CLSTN2: variants seen among roughly 807,000 people sequenced by gnomAD.
CLSTN2 encodes the protein calsyntenin-2.
A neutral mutation model predicts 101.2 loss-of-function variants in CLSTN2; 48 were observed. The observed-to-expected ratio is 0.47, with a 90% CI of 0.38 to 0.60. The LOEUF is 0.60. Ranked by LOEUF, CLSTN2 falls within the 20% of genes least tolerant of loss-of-function variation. CLSTN2 has a pLI of 0.00. For synonymous variants in CLSTN2, 481 were observed against 463.6 expected (o/e 1.04, Z -0.48); for missense variants, 1,160 against 1,238.2 (o/e 0.94, Z 0.95).
chr3:139,986,754 G>A lies in CLSTN2; in HGVS notation c.109+51271G>A, dbSNP rs147612856. Among the ~76,000 whole-genome samples, 121 of 152,224 alleles carry A rather than the reference G, an allele frequency of 7.9e-4. 1 individual carries two copies. Among genetic ancestry groups the A allele is most frequent in the African/African-American group, 2.8e-3 (115 of 41,538 alleles). On this transcript the variant is annotated intron_variant, in intron 1 of 16. Coordinates refer to ENST00000458420, the MANE Select transcript of CLSTN2 (RefSeq NM_022131.3). The stretch of plus-strand genomic sequence containing the variant: ...GGTAGTACAATGTACACTCTTCCCT[G>A]CCTGTAAGGACAGGGATGTCTCTCA...
intron 1 of CLSTN2, among the ~76,000 whole-genome samples, chr3:140,008,900 T>C (rs1316713519): frequency 2.6e-5 from 4 of 152,228 alleles, no homozygotes; most frequent in Non-Finnish European, 5.9e-5. Flanking sequence ...CCCCTAGAAG[T>C]TGATCCAAAT....
intron 2 of CLSTN2, among the ~76,000 whole-genome samples, chr3:140,203,461 GTT>G (rs58182333): frequency 0.084 from 5,651 of 67,572 alleles, 62 homozygotes; most frequent in Non-Finnish European, 0.097. Flanking sequence ...GAAAGTGTGG[GTT>G]TTTTTTTTTT....
chr3:140,248,690 C>T (rs1433529444), intron 2 of CLSTN2, among the ~76,000 whole-genome samples: 1 of 152,194 alleles, frequency 6.6e-6, no homozygotes, highest in African/African-American at 2.4e-5. Context: ...CACTCTAGTG[C>T]AGGATCACTG....
chr3:140,426,659 T>C (rs1308891575), intron 5 of CLSTN2, among the ~76,000 whole-genome samples: 2 of 152,032 alleles, frequency 1.3e-5, no homozygotes, highest in Non-Finnish European at 2.9e-5. Flanking sequence ...AGTAGAGTAG[T>C]TAGGATGGGA....
intron 1 of CLSTN2, among the ~76,000 whole-genome samples, chr3:139,997,529 T>C (rs1462015537): frequency 1.3e-5 from 2 of 152,198 alleles, no homozygotes; most frequent in African/African-American, 4.8e-5. Context: ...TCTCTTTATG[T>C]GCTATTTTGG....
chr3:140,437,779 A>C (rs971643229), intron 5 of CLSTN2, among the ~76,000 whole-genome samples: 1 of 152,276 alleles, frequency 6.6e-6, no homozygotes, highest in African/African-American at 2.4e-5. Flanking sequence ...ATTTTTAAAA[A>C]TTATAATTTT....
At chr3:140,456,448 G>T (rs1249714016) in intron 6 of CLSTN2, among the ~76,000 whole-genome samples, 1 of 152,212 alleles carries the variant, frequency 6.6e-6, no homozygotes, top group Non-Finnish European at 1.5e-5. Flanking sequence ...CACCCATTCT[G>T]TGCCCAGTAA....
intron 8 of CLSTN2, among the ~76,000 whole-genome samples, chr3:140,483,601 G>T (rs1934174390): frequency 6.6e-6 from 1 of 152,006 alleles, no homozygotes; most frequent in African/African-American, 2.4e-5. Flanking sequence ...GGTCTCTAAG[G>T]ACTTGCTTTA....
intron 1 of CLSTN2, among the ~76,000 whole-genome samples, chr3:140,125,847 C>A (rs2009420750): frequency 6.6e-6 from 1 of 151,962 alleles, no homozygotes; most frequent in South Asian, 2.1e-4. Flanking sequence ...GGGGGTGAAG[C>A]AGTTTTGGAA....
chr3:140,099,600 C>T (rs1213619476), intron 1 of CLSTN2, among the ~76,000 whole-genome samples: 2 of 152,174 alleles, frequency 1.3e-5, no homozygotes, highest in African/African-American at 2.4e-5. Flanking sequence ...CACTATTCAA[C>T]TCACTACAAC....
chr3:140,281,331 A>T (rs1200069549), intron 2 of CLSTN2, among the ~76,000 whole-genome samples: 3 of 152,180 alleles, frequency 2.0e-5, no homozygotes, highest in Non-Finnish European at 4.4e-5. Flanking sequence ...GCCCTCAGTG[A>T]GCTCATGGAC....
intron 2 of CLSTN2, among the ~76,000 whole-genome samples, chr3:140,197,905 G>A (rs73226970): frequency 0.04 from 6,026 of 152,214 alleles, 168 homozygotes; most frequent in Non-Finnish European, 0.062. Flanking sequence ...GTTTTTTCAT[G>A]TGTAAAACAA....
intron 2 of CLSTN2, among the ~76,000 whole-genome samples, chr3:140,200,688 G>A (rs913023483): frequency 1.3e-5 from 2 of 152,152 alleles, no homozygotes; most frequent in African/African-American, 4.8e-5. Context: ...GACATTGTGT[G>A]TATATAATCA....
chr3:140,275,193 A>T (rs1576495091), intron 2 of CLSTN2, among the ~76,000 whole-genome samples: 2 of 151,974 alleles, frequency 1.3e-5, no homozygotes, highest in African/African-American at 4.8e-5. Context: ...CCTTCCACAG[A>T]ACTCCACCTG....
intron 1 of CLSTN2, among the ~76,000 whole-genome samples, chr3:140,022,360 A>G (rs2007336035): frequency 6.6e-6 from 1 of 152,258 alleles, no homozygotes; most frequent in African/African-American, 2.4e-5. Flanking sequence ...GCCACCAGGC[A>G]GGTGCTGGGA....
intron 2 of CLSTN2, among the ~76,000 whole-genome samples, chr3:140,353,267 T>TTACACA: frequency 6.7e-6 from 1 of 149,296 alleles, no homozygotes. Flanking sequence ...ATATATATGT[T>TTACACA]TATTAAGTTT....
intron 5 of CLSTN2, among the ~76,000 whole-genome samples, chr3:140,437,407 T>G (rs1275282792): frequency 6.6e-6 from 1 of 152,204 alleles, no homozygotes; most frequent in Non-Finnish European, 1.5e-5. Context: ...GGTGAGCTTC[T>G]AGGGAAATTC....
At chr3:139,942,283 C>T (rs1482976179) in intron 1 of CLSTN2, among the ~76,000 whole-genome samples, 1 of 152,152 alleles carries the variant, frequency 6.6e-6, no homozygotes, top group East Asian at 1.9e-4. Context: ...CTCATCCAGA[C>T]AGCTTGAAGC....
At chr3:140,491,028 C>T (rs1018608351) in intron 8 of CLSTN2, among the ~76,000 whole-genome samples, 3 of 152,166 alleles carry the variant, frequency 2.0e-5, no homozygotes, top group East Asian at 1.9e-4. Context: ...TGTCAACCCC[C>T]GTAAGTCATA....
Sources: gnomAD v4.1 joint callset for allele counts (sites outside exome capture counted in the v4.1 genomes callset) on GRCh38, gnomAD v4.1.1 for gene constraint, MANE v1.5 for transcripts, NCBI Gene and HGNC (gene_info 2026-07-23, HGNC 2026-07-21) for gene names.